ABCC2: variants seen among roughly 807,000 people sequenced by gnomAD.
ABCC2 encodes ATP-binding cassette sub-family C member 2.
In ABCC2, 157 loss-of-function variants were observed where a neutral mutation model predicts 173.4. The ratio of observed to expected loss-of-function variants is 0.91; its 90% CI spans 0.80 to 1.03. The LOEUF (loss-of-function observed/expected upper bound fraction) is 1.03, where lower values mean the gene tolerates loss of function less well. ABCC2 is among the 50% of genes least tolerant of loss of function. The pLI is 0.00. For missense variants in ABCC2, 1,822 were observed against 1,852.3 expected, an observed-to-expected ratio of 0.98 and a Z score of 0.30; for synonymous variants, 657 against 693.5, an observed-to-expected ratio of 0.95 and a Z score of 0.83.
chr10:99,816,372 C>T (rs1590169146), intron 16 of ABCC2, among the ~76,000 whole-genome samples: 1 of 151,996 alleles, frequency 6.6e-6, no homozygotes, highest in Non-Finnish European at 1.5e-5. Context: ...CAGCCTCTGC[C>T]TCCTGGGTTC....
intron 16 of ABCC2, among the ~76,000 whole-genome samples, chr10:99,816,390 T>G (rs2038412790): frequency 6.6e-6 from 1 of 151,824 alleles, no homozygotes; most frequent in African/African-American, 2.4e-5. Flanking sequence ...TTCAAGCGAT[T>G]CTCCTGCCTC....
At chr10:99,828,635 G>A (rs2038686477) in intron 19 of ABCC2, among the ~76,000 whole-genome samples, 1 of 152,128 alleles carries the variant, frequency 6.6e-6, no homozygotes, top group South Asian at 2.1e-4. Flanking sequence ...TGTTAAGTCT[G>A]TATTCTTTGT....
In ABCC2 at chr10:99,804,115, A is replaced by G. The variant is rs2038057635; in HGVS notation, c.1306A>G (p.Asn436Asp). ...VDAQKLMDVTNFMHMLWSSVL... is the reference protein window; with the variant it reads ...VDAQKLMDVTDFMHMLWSSVL... ...TGCCCAGAAGCTCATGGATGTGACC[A>G]ACTTCATGCACATGCTGTGGTCAAG... The change falls in exon 10 of 32, where the codon AAC becomes GAC. Residue 436 changes from asparagine to aspartate, a missense_variant. Transcript: ENST00000647814. 1 of 1,614,176 alleles carries G rather than the reference A, an allele frequency of 6.2e-7. No homozygotes were observed. Among genetic ancestry groups the G allele is most frequent in the African/African-American group, 1.3e-5 (1 of 75,040 alleles).
intron 11 of ABCC2, among the ~76,000 whole-genome samples, chr10:99,806,166 AAAT>A (rs1490870961): frequency 6.6e-6 from 1 of 151,528 alleles, no homozygotes; most frequent in African/African-American, 2.4e-5. Context: ...TATTTCCTGT[AAAT>A]TGATAGTTAG....
intron 25 of ABCC2, among the ~76,000 whole-genome samples, chr10:99,836,515 T>C (rs1342888039): frequency 6.6e-6 from 1 of 152,230 alleles, no homozygotes; most frequent in East Asian, 1.9e-4. Flanking sequence ...CCTTGACTTC[T>C]CTAAGGAGAA....
chr10:99,782,848 C>T lies in ABCC2; in HGVS notation c.4C>T (p.Leu2=), dbSNP rs769813554. Residue 2 remains leucine (L), a synonymous_variant, in exon 1 of 32, where the codon CTG becomes TTG. Transcript: ENST00000647814. The part of the protein sequence containing the change: M[L]EKFCNSTFWN... ...TTCCAGACGCAGTCCAGGAATCATG[C>T]TGGAGAAGTTCTGCAACTCTACTTT... 8 of 1,614,064 alleles carry T rather than the reference C, an allele frequency of 5.0e-6. No homozygotes were observed. The highest frequency in any genetic ancestry group is 8.5e-7 in the Non-Finnish European group (1 of 1,179,986).
At chr10:99,801,524 A>C (rs778647090) in intron 9 of ABCC2, among the ~76,000 whole-genome samples, 2 of 152,164 alleles carry the variant, frequency 1.3e-5, no homozygotes, top group Non-Finnish European at 2.9e-5. Flanking sequence ...GCATGAGCCA[A>C]CGCGCCTGGC....
intron 31 of ABCC2, among the ~76,000 whole-genome samples, chr10:99,851,138 C>T (rs1344983095): frequency 6.6e-6 from 1 of 152,222 alleles, no homozygotes; most frequent in African/African-American, 2.4e-5. Context: ...CTCTGTAAAA[C>T]AGCCAGAAGC....
At position 99,834,497 on chromosome 10, in the gene ABCC2, A is replaced by G; in HGVS notation, c.3376A>G (p.Ile1126Val). The G allele has an allele frequency of 6.2e-7, 1 of 1,614,108 alleles. No homozygotes were observed. Among genetic ancestry groups the G allele is most frequent in the Non-Finnish European group, 8.5e-7 (1 of 1,180,034 alleles). The change falls in exon 24 of 32, where the codon ATC (isoleucine) becomes GTC (valine). Residue 1126 changes from isoleucine (I) to valine (V), a missense_variant. By Grantham distance (29) the Ile-to-Val change is conservative. Transcript: ENST00000647814. The stretch of plus-strand genomic sequence containing the variant: ...CATGGCCACTCCTGTCTTCACCATC[A>G]TCGTCATTCCTCTTGGCATTATTTA... ...ICMATPVFTI[I>V]VIPLGIIYVS...
At chr10:99,810,951 GA>G (rs2038201812) in intron 14 of ABCC2, among the ~76,000 whole-genome samples, 1 of 150,984 alleles carries the variant, frequency 6.6e-6, no homozygotes, top group Non-Finnish European at 1.5e-5. Context: ...TTGAACCTGG[GA>G]GGCAGAGGTT....
Position 99,832,106 on chromosome 10 carries a change from G to A in ABCC2, c.3233G>A (p.Gly1078Asp), listed in dbSNP as rs746797136. The A allele has an allele frequency of 6.8e-6, 11 of 1,614,144 alleles. No homozygotes were observed. The highest frequency in any genetic ancestry group is 9.3e-6 in the Non-Finnish European group (11 of 1,180,028). The change falls in exon 23 of 32, where the codon GGC becomes GAC. Residue 1078 changes from glycine to aspartate, a missense_variant. Coordinates refer to ENST00000647814, the MANE Select transcript of ABCC2 (RefSeq NM_000392.5). ...AGATTTTTTGACACAACACCCACAGGCCGGATTGTGAACAGGTTTGCCGGC... is the reference window on the plus strand; with the variant it reads ...AGATTTTTTGACACAACACCCACAGACCGGATTGTGAACAGGTTTGCCGGC... Reference protein sequence around the residue: ...PMRFFDTTPTGRIVNRFAGDI... With the variant: ...PMRFFDTTPTDRIVNRFAGDI...
At chr10:99,832,206 C>A (rs1167403776) in intron 23 of ABCC2, 75 bp downstream of exon 23, 41 of 1,569,894 alleles carry the variant, frequency 2.6e-5, no homozygotes, top group Non-Finnish European at 3.5e-5. Flanking sequence ...ATTATTATGT[C>A]CCCCTAGACA....
rs2804400 is a variant in ABCC2 at position 99,793,502 on chromosome 10, C to T, written c.334-49C>T. The T allele has an allele frequency of 0.41, 667,383 of 1,611,836 alleles. 140,722 individuals carry two copies. The highest frequency in any genetic ancestry group is 0.44 in the Middle Eastern group (2,640 of 5,980). ...CTCTGACATCCTTCTCCCCTCAGTC[C>T]TCGGTTAGTGGCAGTATTCTTCAGA... On this transcript the variant is annotated intron_variant, in intron 3 of 31. Coordinates refer to ENST00000647814, the MANE Select transcript of ABCC2 (RefSeq NM_000392.5).
chr10:99,844,087 G>A (rs563845358), intron 27 of ABCC2, among the ~76,000 whole-genome samples, 187 bp downstream of exon 27: 1 of 152,172 alleles, frequency 6.6e-6, no homozygotes, highest in South Asian at 2.1e-4. Context: ...GGGATGTCGG[G>A]TCTTGCAACA....
In ABCC2 at chr10:99,819,167, G is replaced by A. The variant is rs576352719; in HGVS notation, c.2518G>A (p.Val840Ile). 3.1e-6 allele frequency: 5 copies of A among 1,614,180 alleles called. No individual in the cohort carries two copies. In the Admixed American group the frequency reaches 6.7e-5, roughly 22 times the overall value. The change falls in exon 19 of 32, where the codon GTA (valine) becomes ATA (isoleucine). Residue 840 changes from valine to isoleucine, a missense_variant. Val to Ile is a conservative substitution (Grantham distance 29). Transcript: ENST00000647814. ...EIVVLGNGTI[V>I]EKGSYSALLA... ...TGTAGTTCTGGGGAATGGAACAATT[G>A]TAGAGAAAGGATCCTACAGTGCTCT...
At chr10:99,820,730 C>A (rs1373888046) in intron 19 of ABCC2, among the ~76,000 whole-genome samples, 2 of 152,094 alleles carry the variant, frequency 1.3e-5, no homozygotes, top group African/African-American at 4.8e-5. Flanking sequence ...GTATCAGGGA[C>A]CAGCAGAAAG....
intron 15 of ABCC2, 132 bp downstream of exon 15, chr10:99,811,734 G>C (rs530417150): frequency 9.6e-7 from 1 of 1,045,684 alleles, no homozygotes; most frequent in South Asian, 1.3e-5. Flanking sequence ...ACTAGTGCAG[G>C]ATAAACCCCT....
chr10:99,814,127 ATGTGTG>A lies in ABCC2; in HGVS notation c.2094+985_2094+990del, dbSNP rs1212113114. 8.9e-5 allele frequency among the ~76,000 whole-genome samples: 11 copies of A among 123,456 alleles called. 1 individual carries two copies. Among genetic ancestry groups the A allele is most frequent in the Non-Finnish European group, 1.2e-4 (7 of 56,926 alleles). The allele number at this position is 123,456 out of a possible 152,430, so 81.0% of individuals were successfully genotyped here. Reference sequence around the variant, plus strand: ...CACACATATGTGTATATACACACATATGTGTGTATATATACACACATGTATGTATAC... The same window carrying A: ...CACACATATGTGTATATACACACATATATATATACACACATGTATGTATAC... On this transcript the variant is annotated intron_variant, in intron 16 of 31. Coordinates refer to ENST00000647814, the MANE Select transcript of ABCC2 (RefSeq NM_000392.5).
At chr10:99,842,157 A>G (rs928508719) in intron 26 of ABCC2, 64 bp downstream of exon 26, 21 of 1,606,866 alleles carry the variant, frequency 1.3e-5, no homozygotes, top group African/African-American at 2.7e-5. Flanking sequence ...AGCCTGATGT[A>G]TACTGTGGAG....
Sources: gnomAD v4.1 joint callset for allele counts (sites outside exome capture counted in the v4.1 genomes callset) on GRCh38, gnomAD v4.1.1 for gene constraint, MANE v1.5 for transcripts, NCBI Gene and HGNC (gene_info 2026-07-23, HGNC 2026-07-21) for gene names.